The following NRG2 variants were observed in gnomAD, a reference collection of about 807,000 sequenced individuals.
The protein encoded by NRG2 is neuregulin 2.
A neutral mutation model predicts 73.9 loss-of-function variants in NRG2; 27 were observed. The ratio of observed to expected loss-of-function variants is 0.37; its 90% CI spans 0.27 to 0.50. The LOEUF (loss-of-function observed/expected upper bound fraction) is 0.50. NRG2 is among the 20% of genes least tolerant of loss of function. The pLI, the probability that NRG2 is intolerant of heterozygous loss-of-function variation, is 0.96. For missense variants in NRG2, 1,126 were observed against 1,210.1 expected (o/e 0.93, Z 1.03); for synonymous variants, 532 against 541.0 (o/e 0.98, Z 0.23).
chr5:139,963,027 T>C (rs1755199676), intron 1 of NRG2, among the ~76,000 whole-genome samples: 1 of 152,218 alleles, frequency 6.6e-6, no homozygotes, highest in South Asian at 2.1e-4. Context: ...CTTCTCCAGG[T>C]TCAATCTCAA....
rs117032105 is a variant in NRG2, at chr5:140,039,662, C to T, written c.700+2708G>A. Among the ~76,000 whole-genome samples the T allele has an allele frequency of 3.9e-4, 60 of 152,140 alleles. No individual in the cohort carries two copies. In the East Asian group the frequency reaches 0.011, roughly 27 times the overall value. On this transcript the variant is annotated intron_variant, in intron 1 of 9. Transcript: ENST00000361474. ...GATGCTCCTGAGGCCAATTTTTAAA[C>T]ACAATATTATCCCTCCATATTTTGC...
chr5:139,965,949 C>T (rs1440644939), intron 1 of NRG2, among the ~76,000 whole-genome samples: 3 of 152,112 alleles, frequency 2.0e-5, no homozygotes, highest in Non-Finnish European at 4.4e-5. Flanking sequence ...TATTCATTTT[C>T]TTCCTAGGAC....
chr5:139,984,337 C>T (rs1454729894), intron 1 of NRG2, among the ~76,000 whole-genome samples: 2 of 151,844 alleles, frequency 1.3e-5, no homozygotes, highest in African/African-American at 4.8e-5. Flanking sequence ...TGCTGAAGAA[C>T]GACTAATGAT....
intron 1 of NRG2, among the ~76,000 whole-genome samples, chr5:140,021,765 C>T (rs1469292754): frequency 2.0e-5 from 3 of 152,154 alleles, no homozygotes; most frequent in African/African-American, 7.2e-5. Flanking sequence ...AAATGGTCTC[C>T]CAGCCTCAGC....
chr5:139,964,089 C>A (rs1435623940), intron 1 of NRG2, among the ~76,000 whole-genome samples: 3 of 152,198 alleles, frequency 2.0e-5, no homozygotes, highest in Admixed American at 2.0e-4. Flanking sequence ...CCCAGCCATG[C>A]CTGGCCCCCA....
intron 1 of NRG2, among the ~76,000 whole-genome samples, chr5:139,927,663 C>T (rs1159662381): frequency 1.3e-5 from 2 of 150,900 alleles, no homozygotes; most frequent in Admixed American, 1.3e-4. Flanking sequence ...ACTCAGGAGG[C>T]TGAGGCAGGA....
chr5:139,871,142 T>C (rs1369118790), intron 4 of NRG2: 2 of 153,708 alleles, frequency 1.3e-5, no homozygotes, highest in African/African-American at 4.8e-5. Context: ...CTTTGTACAA[T>C]GGGGTCCTGT....
intron 1 of NRG2, among the ~76,000 whole-genome samples, chr5:140,011,665 T>G (rs1759377384): frequency 6.6e-6 from 1 of 152,182 alleles, no homozygotes; most frequent in South Asian, 2.1e-4. Context: ...AATGGCCACA[T>G]GAATGAGTCT....
chr5:139,864,973 G>A, intron 5 of NRG2: 1 of 756,078 alleles, frequency 1.3e-6, no homozygotes, highest in East Asian at 2.6e-5. Context: ...AGGTGGGGGT[G>A]CCGGGGGTGT....
intron 1 of NRG2, among the ~76,000 whole-genome samples, chr5:139,921,413 C>A (rs1225689827): frequency 5.9e-5 from 9 of 152,194 alleles, no homozygotes; most frequent in African/African-American, 1.9e-4. Flanking sequence ...ATCAGTAGAA[C>A]AGAACGGAGA....
chr5:139,907,263 G>A (rs1765293469), intron 1 of NRG2, among the ~76,000 whole-genome samples: 1 of 152,154 alleles, frequency 6.6e-6, no homozygotes. Flanking sequence ...TAAGAGCAAT[G>A]GTCTGCTATG....
intron 1 of NRG2, among the ~76,000 whole-genome samples, chr5:139,944,378 T>A (rs1382742861): frequency 2.0e-5 from 3 of 152,194 alleles, no homozygotes; most frequent in African/African-American, 4.8e-5. Flanking sequence ...TAATTTTGTA[T>A]CCTTTTAAAA....
chr5:139,959,175 C>T (rs1158039359), intron 1 of NRG2, among the ~76,000 whole-genome samples: 2 of 150,588 alleles, frequency 1.3e-5, no homozygotes, highest in African/African-American at 2.5e-5. Flanking sequence ...AATAAGACTT[C>T]CTTGTGTTTT....
Position 139,994,776 on chromosome 5 carries a change from G to A in NRG2, c.700+47594C>T, listed in dbSNP as rs145305733. On this transcript the variant is annotated intron_variant, in intron 1 of 9. Coordinates refer to ENST00000361474, the MANE Select transcript of NRG2 (RefSeq NM_004883.3). Reference sequence around the variant, plus strand: ...GGTAGACTTCAAGAGGAAGGACTGAGCTGGCCTAGGAAAGAAGAGTAGAAT... The same window carrying A: ...GGTAGACTTCAAGAGGAAGGACTGAACTGGCCTAGGAAAGAAGAGTAGAAT... Among the ~76,000 whole-genome samples the A allele has an allele frequency of 3.8e-3, 575 of 152,280 alleles. 3 individuals carry two copies. The highest frequency in any genetic ancestry group is 0.014 in the African/African-American group (561 of 41,550).
At chr5:140,024,210 TG>T (rs1760480427) in intron 1 of NRG2, among the ~76,000 whole-genome samples, 1 of 152,198 alleles carries the variant, frequency 6.6e-6, no homozygotes, top group South Asian at 2.1e-4. Context: ...GTTTTATTTT[TG>T]TTTTCATAGT....
chr5:139,937,465 TG>T (rs1752933086), intron 1 of NRG2, among the ~76,000 whole-genome samples: 1 of 151,828 alleles, frequency 6.6e-6, no homozygotes, highest in East Asian at 1.9e-4. Flanking sequence ...TGTGCAAAAA[TG>T]TAAGTGGAAA....
chr5:140,032,887 T>A (rs1761255782), intron 1 of NRG2, among the ~76,000 whole-genome samples: 1 of 152,228 alleles, frequency 6.6e-6, no homozygotes, highest in South Asian at 2.1e-4. Context: ...AATATATTAC[T>A]TTCTGTGTTT....
chr5:139,860,443 G>T (rs1172913222), intron 5 of NRG2, among the ~76,000 whole-genome samples: 1 of 151,874 alleles, frequency 6.6e-6, no homozygotes, highest in Admixed American at 6.6e-5. Flanking sequence ...GTGCCCCACA[G>T]GCCTAGCTGG....
At chr5:139,882,777 G>A (rs1006211289) in intron 2 of NRG2, among the ~76,000 whole-genome samples, 3 of 152,208 alleles carry the variant, frequency 2.0e-5, no homozygotes, top group South Asian at 4.1e-4. Flanking sequence ...ATTCAGAGGC[G>A]CTTCCCTTAT....
Sources: gnomAD v4.1 joint callset for allele counts (sites outside exome capture counted in the v4.1 genomes callset) on GRCh38, gnomAD v4.1.1 for gene constraint, MANE v1.5 for transcripts, NCBI Gene and HGNC (gene_info 2026-07-23, HGNC 2026-07-21) for gene names.